The following RAB6B variants were observed in gnomAD, a reference collection of about 807,000 sequenced individuals.
The protein encoded by RAB6B is ras-related protein Rab-6B.
RAB6B carries 7 observed loss-of-function variants against 31.2 expected under a neutral mutation model. The ratio of observed to expected loss-of-function variants is 0.22; its 90% CI spans 0.13 to 0.42. RAB6B has a LOEUF of 0.42. RAB6B is among the 10% of genes least tolerant of loss of function. The pLI is 1.00. For synonymous variants in RAB6B, 105 were observed against 104.9 expected, an observed-to-expected ratio of 1.00 and a Z score of -0.01; for missense variants, 149 against 280.6, an observed-to-expected ratio of 0.53 and a Z score of 3.35.
intron 6 of RAB6B, 150 bp downstream of exon 6, chr3:133,838,016 C>CCCT: frequency 1.3e-6 from 1 of 784,164 alleles, no homozygotes; most frequent in East Asian, 2.5e-5. Context: ...ATTAGCTCTC[C>CCCT]CCTCCCTGGG....
At position 133,895,510 on chromosome 3, in the gene RAB6B, G is replaced by T; in HGVS notation, c.-44C>A. The T allele has an allele frequency of 6.3e-7, 1 of 1,596,362 alleles. No individual in the cohort carries two copies. The highest frequency in any genetic ancestry group is 1.1e-5 in the South Asian group (1 of 89,988). On this transcript the variant is annotated 5_prime_UTR_variant, in exon 1 of 8. Transcript: ENST00000285208. Reference sequence around the variant, plus strand: ...CGGGAGAGGAGGAGGAGGAAAAAGCGAAGGAGCAGGGAGGGGAGAGTAGGA... The same window carrying T: ...CGGGAGAGGAGGAGGAGGAAAAAGCTAAGGAGCAGGGAGGGGAGAGTAGGA...
At chr3:133,846,690 A>G (rs964465229) in intron 2 of RAB6B, among the ~76,000 whole-genome samples, 2 of 152,218 alleles carry the variant, frequency 1.3e-5, no homozygotes, top group African/African-American at 2.4e-5. Context: ...GCAGCCAGAA[A>G]ACAGAACAAC....
intron 1 of RAB6B, among the ~76,000 whole-genome samples, chr3:133,866,746 G>A (rs1035405197): frequency 1.2e-4 from 19 of 152,370 alleles, no homozygotes; most frequent in Non-Finnish European, 2.5e-4. Flanking sequence ...GGACCACAGA[G>A]GGGAAAGTGG....
chr3:133,828,242 A>C lies in RAB6B; in HGVS notation c.*546T>G. On this transcript the variant is annotated 3_prime_UTR_variant, in exon 8 of 8. Coordinates refer to ENST00000285208, the MANE Select transcript of RAB6B (RefSeq NM_016577.4). ...TTTCAGAGGCTGATGTGTTCAACCA[A>C]TGTTTGATTTAACTGGAGTAGGGCC... 2 of 505,960 alleles carry C rather than the reference A, an allele frequency of 4.0e-6. No homozygotes were observed. The highest frequency in any genetic ancestry group is 3.5e-6 in the Non-Finnish European group (1 of 281,818). The allele number at this position is 505,960 out of a possible 1,614,324, so 31.3% of individuals were successfully genotyped here.
chr3:133,887,290 C>A (rs148311728), intron 1 of RAB6B, among the ~76,000 whole-genome samples: 75 of 152,310 alleles, frequency 4.9e-4, no homozygotes, highest in Admixed American at 1.0e-3. Flanking sequence ...GCAACCAGAG[C>A]CAAGCACATC....
chr3:133,860,011 G>A (rs935270921), intron 2 of RAB6B, among the ~76,000 whole-genome samples: 1 of 152,220 alleles, frequency 6.6e-6, no homozygotes, highest in African/African-American at 2.4e-5. Context: ...TGGGCAGGAG[G>A]CACGTGAAGG....
chr3:133,855,819 G>A (rs1243574111), intron 2 of RAB6B, among the ~76,000 whole-genome samples: 3 of 152,138 alleles, frequency 2.0e-5, no homozygotes, highest in Non-Finnish European at 4.4e-5. Flanking sequence ...AGCACCCATT[G>A]GCAACCTCCT....
chr3:133,845,512 T>C (rs1935897322), intron 2 of RAB6B, among the ~76,000 whole-genome samples: 1 of 152,252 alleles, frequency 6.6e-6, no homozygotes, highest in Non-Finnish European at 1.5e-5. Context: ...TCCTGAACTG[T>C]GAGCAATAAA....
At chr3:133,872,546 A>G (rs1283472215) in intron 1 of RAB6B, among the ~76,000 whole-genome samples, 1 of 152,202 alleles carries the variant, frequency 6.6e-6, no homozygotes, top group Admixed American at 6.5e-5. Flanking sequence ...GTTTTCACCA[A>G]ACAGAAAGTC....
intron 1 of RAB6B, among the ~76,000 whole-genome samples, chr3:133,894,192 A>C (rs1936675595): frequency 6.6e-6 from 1 of 152,192 alleles, no homozygotes; most frequent in Admixed American, 6.5e-5. Flanking sequence ...GGTGAACAGG[A>C]CTGGTCTGCA....
chr3:133,892,897 G>A (rs1269217366), intron 1 of RAB6B, among the ~76,000 whole-genome samples: 1 of 152,214 alleles, frequency 6.6e-6, no homozygotes. Context: ...GGCTGTGGAG[G>A]TGACTCCCCA....
chr3:133,842,449 A>G (rs1157833133), intron 2 of RAB6B, among the ~76,000 whole-genome samples: 1 of 152,244 alleles, frequency 6.6e-6, no homozygotes, highest in African/African-American at 2.4e-5. Flanking sequence ...TCAATGTAAA[A>G]TGGAGATATC....
intron 1 of RAB6B, among the ~76,000 whole-genome samples, chr3:133,880,494 T>C (rs1936451898): frequency 6.6e-6 from 1 of 152,220 alleles, no homozygotes; most frequent in Non-Finnish European, 1.5e-5. Context: ...GAAGGAGGCC[T>C]CTAGACTGCA....
At chr3:133,829,383 C>T (rs972974784) in intron 7 of RAB6B, among the ~76,000 whole-genome samples, 5 of 152,204 alleles carry the variant, frequency 3.3e-5, no homozygotes, top group African/African-American at 1.2e-4. Flanking sequence ...TAAGCACAGC[C>T]CCCTCGCCAG....
intron 2 of RAB6B, among the ~76,000 whole-genome samples, chr3:133,860,293 T>C (rs1280499284): frequency 6.6e-6 from 1 of 152,148 alleles, no homozygotes; most frequent in East Asian, 1.9e-4. Flanking sequence ...TTAAATCCAG[T>C]GACTGGTGTC....
chr3:133,890,978 G>C (rs1453679735), intron 1 of RAB6B, among the ~76,000 whole-genome samples: 3 of 152,190 alleles, frequency 2.0e-5, no homozygotes, highest in African/African-American at 7.2e-5. Flanking sequence ...GTAGCCCAGG[G>C]GAGCAGGAGT....
At chr3:133,892,162 A>G (rs775579688) in intron 1 of RAB6B, among the ~76,000 whole-genome samples, 9 of 152,082 alleles carry the variant, frequency 5.9e-5, no homozygotes, top group Non-Finnish European at 4.4e-5. Flanking sequence ...CGGGACTGAC[A>G]TATGTCACCC....
intron 2 of RAB6B, among the ~76,000 whole-genome samples, chr3:133,842,191 C>T (rs1935846350): frequency 6.6e-6 from 1 of 152,264 alleles, no homozygotes. Flanking sequence ...CACTGCAGAC[C>T]ACCCAGAGTG....
intron 1 of RAB6B, among the ~76,000 whole-genome samples, chr3:133,868,778 AAAG>A (rs1936277367): frequency 6.6e-6 from 1 of 152,210 alleles, no homozygotes; most frequent in Non-Finnish European, 1.5e-5. Flanking sequence ...GAGATGCTAG[AAAG>A]AAGGAGAGGA....
Sources: allele counts gnomAD v4.1 joint callset (sites outside exome capture counted in the v4.1 genomes callset), GRCh38; gene constraint gnomAD v4.1.1; transcripts MANE v1.5; gene names NCBI Gene and HGNC (gene_info 2026-07-23, HGNC 2026-07-21).